LTBP1: variants seen among roughly 807,000 people sequenced by gnomAD.
LTBP1 encodes the protein latent-transforming growth factor beta-binding protein 1.
LTBP1 carries 129 observed loss-of-function variants against 207.6 expected under a neutral mutation model. The ratio of observed to expected loss-of-function variants is 0.62; its 90% confidence interval spans 0.54 to 0.72. LTBP1 has a LOEUF of 0.72. LTBP1 is among the 30% of genes least tolerant of loss of function. The pLI is 0.00. For synonymous variants in LTBP1, 963 were observed against 833.7 expected, an observed-to-expected ratio of 1.16 and a Z score of -2.67; for missense variants, 2,281 against 2,217.2, an observed-to-expected ratio of 1.03 and a Z score of -0.58.
chr2:33,398,611 T>C lies in LTBP1; in HGVS notation c.*66T>C. On this transcript the variant is annotated 3_prime_UTR_variant, in exon 34 of 34. Coordinates refer to ENST00000404816, the MANE Select transcript of LTBP1 (RefSeq NM_206943.4). Reference sequence around the variant, plus strand: ...TGTAAAGGAAAAGGGAGAAATGTATTATACTTGAGACATTGCACCTACCCC... The same window carrying C: ...TGTAAAGGAAAAGGGAGAAATGTATCATACTTGAGACATTGCACCTACCCC... 5 of 1,436,000 alleles carry C rather than the reference T, an allele frequency of 3.5e-6. No homozygotes were observed. The highest frequency in any genetic ancestry group is 4.9e-5 in the East Asian group (2 of 41,098). The allele number at this position is 1,436,000 out of a possible 1,614,324, so 89.0% of individuals were successfully genotyped here. A position where few individuals can be genotyped will look rare whatever the true frequency, so the allele number is the denominator to read the frequency against.
At chr2:32,985,590 C>T (rs1572946050) in intron 2 of LTBP1, among the ~76,000 whole-genome samples, 1 of 152,276 alleles carries the variant, frequency 6.6e-6, no homozygotes, top group East Asian at 1.9e-4. Context: ...TCCCAGACTA[C>T]AGATGAATCA....
chr2:33,363,671 G>A (rs181400485), intron 29 of LTBP1, among the ~76,000 whole-genome samples, 153 bp downstream of exon 29: 2 of 152,260 alleles, frequency 1.3e-5, no homozygotes, highest in Admixed American at 1.3e-4. Flanking sequence ...AAGCACAATT[G>A]AAGAAAATAA....
chr2:33,266,707 A>G (rs1367723889), intron 15 of LTBP1, among the ~76,000 whole-genome samples: 1 of 152,116 alleles, frequency 6.6e-6, no homozygotes, highest in African/African-American at 2.4e-5. Flanking sequence ...TCAGCTTTTC[A>G]GGATGACGTG....
intron 26 of LTBP1, among the ~76,000 whole-genome samples, chr2:33,357,329 T>G (rs1241844651): frequency 6.6e-6 from 1 of 152,172 alleles, no homozygotes; most frequent in Non-Finnish European, 1.5e-5. Flanking sequence ...GCCTTGTTGC[T>G]GAACCCCCAG....
At chr2:33,188,479 T>G in intron 6 of LTBP1, 98 bp from the exon 7 acceptor site, 3 of 810,700 alleles carry the variant, frequency 3.7e-6, no homozygotes, top group South Asian at 1.7e-5. Flanking sequence ...ATGCTACACA[T>G]GCATGCATGT....
intron 5 of LTBP1, among the ~76,000 whole-genome samples, chr2:33,172,703 C>A (rs574601902): frequency 9.5e-4 from 144 of 152,270 alleles, no homozygotes; most frequent in African/African-American, 3.4e-3. Flanking sequence ...GAGTATACAT[C>A]TTTTTCAGCA....
intron 9 of LTBP1, among the ~76,000 whole-genome samples, chr2:33,236,124 G>A (rs2092036425): frequency 6.6e-6 from 1 of 152,136 alleles, no homozygotes; most frequent in African/African-American, 2.4e-5. Flanking sequence ...AAAACCAACA[G>A]GTAAGAACTA....
At chr2:32,969,227 ATTTGTGTGTGTGTGTGTGTG>A (rs1355140284) in intron 2 of LTBP1, among the ~76,000 whole-genome samples, 1 of 92,604 alleles carries the variant, frequency 1.1e-5, no homozygotes, top group Admixed American at 9.7e-5. Flanking sequence ...CACCTGGCCA[ATTTGTGTGTGTGTGTGTGTG>A]TGTGTGTGTG....
chr2:33,280,115 T>A lies in LTBP1; in HGVS notation c.3069T>A (p.Val1023=), dbSNP rs2093529383. 6.2e-7 allele frequency: 1 copy of A among 1,614,150 alleles called. No homozygotes were observed. Among genetic ancestry groups the A allele is most frequent in the Non-Finnish European group, 8.5e-7 (1 of 1,179,948 alleles). The part of the protein sequence containing the change: ...CVNSPGSYQC[V]PCTEGFRGWN... Reference sequence around the variant, plus strand: ...ATTCTCCTGGATCTTACCAGTGCGTTCCCTGCACAGAAGGATTCCGAGGCT... The same window carrying A: ...ATTCTCCTGGATCTTACCAGTGCGTACCCTGCACAGAAGGATTCCGAGGCT... Residue 1023 remains valine (V), a synonymous_variant, in exon 19 of 34, where the codon GTT becomes GTA. Transcript: ENST00000404816.
intron 24 of LTBP1, among the ~76,000 whole-genome samples, chr2:33,327,430 A>G (rs370844417): frequency 1.3e-5 from 2 of 152,214 alleles, no homozygotes; most frequent in Admixed American, 6.5e-5. Flanking sequence ...CTACAAGACT[A>G]AAGAACAATA....
In LTBP1 at chr2:32,975,583, G is replaced by GTTTTTTTTTTTTTTTTTTTT. The variant is rs779168923; in HGVS notation, c.565+26657_565+26676dup. Among the ~76,000 whole-genome samples, 14 of 31,382 alleles carry GTTTTTTTTTTTTTTTTTTTT rather than the reference G, an allele frequency of 4.5e-4. 4 individuals are homozygous for GTTTTTTTTTTTTTTTTTTTT. Among genetic ancestry groups the GTTTTTTTTTTTTTTTTTTTT allele is most frequent in the African/African-American group, 1.1e-3 (8 of 7,286 alleles). The allele number at this position is 31,382 out of a possible 152,430, so 20.6% of individuals were successfully genotyped here. A position where few individuals can be genotyped will look rare whatever the true frequency, so the allele number is the denominator to read the frequency against. On this transcript the variant is annotated intron_variant, in intron 2 of 33. Transcript: ENST00000404816. ...TTGTTGGAGGTTTCATTCATTCTTT[G>GTTTTTTTTTTTTTTTTTTTT]TTTTTTTTTTTTTTTTTTTTTTTTT...
intron 4 of LTBP1, among the ~76,000 whole-genome samples, chr2:33,117,712 C>T (rs191292958): frequency 3.9e-5 from 6 of 152,146 alleles, no homozygotes; most frequent in Admixed American, 2.0e-4. Flanking sequence ...GTGTCCCTGG[C>T]GTAGTTGAGA....
chr2:33,216,671 G>T (rs1052270480), intron 7 of LTBP1, among the ~76,000 whole-genome samples: 4 of 152,240 alleles, frequency 2.6e-5, no homozygotes, highest in Admixed American at 6.5e-5. Flanking sequence ...AGACAAAAAT[G>T]TGGGGTGTGT....
intron 3 of LTBP1, among the ~76,000 whole-genome samples, chr2:33,081,808 T>C (rs935727863): frequency 3.3e-5 from 5 of 152,234 alleles, no homozygotes; most frequent in Middle Eastern, 3.4e-3. Flanking sequence ...GCTTTTCTTA[T>C]GATACTGAGT....
intron 4 of LTBP1, among the ~76,000 whole-genome samples, chr2:33,132,264 G>T (rs1479119986): frequency 2.0e-5 from 3 of 152,152 alleles, no homozygotes; most frequent in African/African-American, 7.2e-5. Context: ...TTGTGCTACT[G>T]TGAAAAAGCA....
chr2:33,398,008 G>T (rs962895821), intron 33 of LTBP1, among the ~76,000 whole-genome samples: 16 of 152,172 alleles, frequency 1.1e-4, no homozygotes, highest in African/African-American at 3.9e-4. Flanking sequence ...GTATGGAGAG[G>T]CCTCTGCGTA....
chr2:33,354,310 G>A (rs972277178), intron 26 of LTBP1, among the ~76,000 whole-genome samples: 31 of 151,974 alleles, frequency 2.0e-4, no homozygotes, highest in African/African-American at 7.2e-4. Flanking sequence ...ATTTCTGATT[G>A]GAAAAACAAG....
At chr2:33,385,056 A>T (rs2095254213) in intron 31 of LTBP1, among the ~76,000 whole-genome samples, 1 of 152,230 alleles carries the variant, frequency 6.6e-6, no homozygotes, top group Admixed American at 6.5e-5. Context: ...TATATTAAAA[A>T]TTCTTGGACA....
At chr2:33,374,656 T>C (rs954334536) in intron 31 of LTBP1, among the ~76,000 whole-genome samples, 1 of 152,174 alleles carries the variant, frequency 6.6e-6, no homozygotes. Context: ...ATGTTGTTCC[T>C]CATTGAAAGG....
Sources: allele counts gnomAD v4.1 joint callset (sites outside exome capture counted in the v4.1 genomes callset), GRCh38; gene constraint gnomAD v4.1.1; transcripts MANE v1.5; gene names NCBI Gene and HGNC (gene_info 2026-07-23, HGNC 2026-07-21).